DENND1A: variants seen among roughly 807,000 people sequenced by gnomAD.
DENND1A encodes DENN domain containing 1A.
Under a neutral mutation model 113.7 loss-of-function variants are expected in DENND1A, and 51 were observed. The observed-to-expected ratio is 0.45, with a 90% CI of 0.36 to 0.57. The LOEUF is 0.57. Among genes scored for constraint, DENND1A ranks in the 20% least tolerant of loss-of-function variants. The probability of loss-of-function intolerance (pLI) is 0.00; values close to 1 mark genes in which losing one functional copy is unlikely to be tolerated. For synonymous variants in DENND1A, 565 were observed against 570.8 expected, an observed-to-expected ratio of 0.99 and a Z score of 0.14; for missense variants, 1,258 against 1,395.9, an observed-to-expected ratio of 0.90 and a Z score of 1.57.
chr9:123,804,728 C>A, intron 2 of DENND1A, among the ~76,000 whole-genome samples: 1 of 152,212 alleles, frequency 6.6e-6, no homozygotes, highest in Non-Finnish European at 1.5e-5. Flanking sequence ...CTCCTGCCAA[C>A]TAAATCTTCA....
intron 5 of DENND1A, among the ~76,000 whole-genome samples, chr9:123,717,123 G>A (rs1480403859): frequency 6.6e-6 from 1 of 152,104 alleles, no homozygotes; most frequent in Non-Finnish European, 1.5e-5. Flanking sequence ...TGAGAGACCC[G>A]GTGGCCAGGC....
intron 11 of DENND1A, among the ~76,000 whole-genome samples, chr9:123,587,399 G>A (rs1050974969): frequency 5.3e-5 from 8 of 152,144 alleles, no homozygotes; most frequent in African/African-American, 1.9e-4. Context: ...AGTAACAATT[G>A]CAACAAAAGC....
At chr9:123,388,766 G>C (rs1039526625) in intron 21 of DENND1A, among the ~76,000 whole-genome samples, 1 of 152,204 alleles carries the variant, frequency 6.6e-6, no homozygotes, top group Admixed American at 6.5e-5. Flanking sequence ...GAGGCCATGT[G>C]CTCAGCAGGG....
At chr9:123,401,814 TGTGATGAAGAG>T in intron 21 of DENND1A, 1 of 1,614,158 alleles carries the variant, frequency 6.2e-7, no homozygotes, top group East Asian at 2.2e-5. Context: ...CGTAAGTCAA[TGTGATGAAGAG>T]GTCCAGCCTC....
intron 8 of DENND1A, among the ~76,000 whole-genome samples, chr9:123,652,710 G>A (rs1335586826): frequency 6.6e-6 from 1 of 152,146 alleles, no homozygotes; most frequent in Non-Finnish European, 1.5e-5. Context: ...TGCTAAAACG[G>A]CTCAGCTGGA....
rs761174377 is a variant in DENND1A at position 123,671,368 on chromosome 9, T to C, written c.376A>G (p.Asn126Asp). 6.2e-7 allele frequency: 1 copy of C among 1,613,748 alleles called. No individual in the cohort carries two copies. Among genetic ancestry groups the C allele is most frequent in the South Asian group, 1.1e-5 (1 of 90,994 alleles). Residue 126 changes from asparagine to aspartate, a missense_variant, in exon 7 of 24, where the codon AAT becomes GAT. By Grantham distance (23) the Asn-to-Asp change is conservative. Coordinates refer to ENST00000394215, the MANE Select transcript of DENND1A (RefSeq NM_001352964.2). ...LADYTTKRQE[N>D]QWNELLETLH... ...GTTTCAAGAAGCTCATTCCACTGATTTTCCTGAAAGAAATAAAAGGCCTAA... is the reference window on the plus strand; with the variant it reads ...GTTTCAAGAAGCTCATTCCACTGATCTTCCTGAAAGAAATAAAAGGCCTAA...
At chr9:123,711,519 A>ATG (rs1210818088) in intron 5 of DENND1A, among the ~76,000 whole-genome samples, 28 of 112,606 alleles carry the variant, frequency 2.5e-4, no homozygotes, top group African/African-American at 9.5e-4. Flanking sequence ...ATATGTATAT[A>ATG]TATATATATA....
In DENND1A at chr9:123,882,129, A is replaced by G. The variant is rs984763426; in HGVS notation, c.18-3108T>C. 5.3e-5 allele frequency among the ~76,000 whole-genome samples: 8 copies of G among 151,910 alleles called. No individual in the cohort carries two copies. In the South Asian group the frequency reaches 6.2e-4, roughly 12 times the overall value. ...TCTCTGGGCTTTCATTACCATGCATACAAGCCCCAGTCACATCTCCAACCT... is the reference window on the plus strand; with the variant it reads ...TCTCTGGGCTTTCATTACCATGCATGCAAGCCCCAGTCACATCTCCAACCT... On this transcript the variant is annotated intron_variant, in intron 1 of 23. Coordinates refer to ENST00000394215, the MANE Select transcript of DENND1A (RefSeq NM_001352964.2).
chr9:123,407,582 T>C (rs188374631), intron 20 of DENND1A, among the ~76,000 whole-genome samples: 1 of 152,228 alleles, frequency 6.6e-6, no homozygotes, highest in East Asian at 1.9e-4. Flanking sequence ...ATCACACCCA[T>C]GTTTCGGGGG....
intron 13 of DENND1A, 92 bp from the exon 14 acceptor site, chr9:123,457,989 AT>A (rs1049932388): frequency 6.8e-5 from 59 of 871,398 alleles, no homozygotes; most frequent in African/African-American, 1.1e-4. Context: ...TCCATCTGCT[AT>A]TTTTTTTCTT....
At chr9:123,870,155 G>A (rs1237269888) in intron 2 of DENND1A, among the ~76,000 whole-genome samples, 1 of 151,944 alleles carries the variant, frequency 6.6e-6, no homozygotes, top group Non-Finnish European at 1.5e-5. Flanking sequence ...CCCTTGTATA[G>A]TTCATGAATA....
intron 5 of DENND1A, chr9:123,736,308 C>A (rs1316861780): frequency 1.3e-5 from 2 of 152,118 alleles, no homozygotes; most frequent in Non-Finnish European, 2.9e-5. Context: ...AGTCAGAGTC[C>A]AACAGGCTCC....
intron 18 of DENND1A, among the ~76,000 whole-genome samples, chr9:123,443,530 G>C (rs2047081345): frequency 6.6e-6 from 1 of 152,240 alleles, no homozygotes; most frequent in Admixed American, 6.5e-5. Context: ...AGATGCAAAA[G>C]GTTTCTTATA....
At chr9:123,396,398 A>G (rs559777003) in intron 21 of DENND1A, among the ~76,000 whole-genome samples, 15 of 152,354 alleles carry the variant, frequency 9.8e-5, no homozygotes, top group African/African-American at 2.6e-4. Flanking sequence ...GGGGCTGTGC[A>G]GGAGGGAAAG....
chr9:123,915,402 T>C (rs958403682), intron 1 of DENND1A, among the ~76,000 whole-genome samples: 1 of 152,150 alleles, frequency 6.6e-6, no homozygotes, highest in Admixed American at 6.6e-5. Flanking sequence ...TGGTCATGGA[T>C]CAAAATTTCA....
chr9:123,576,001 A>G (rs560997724), intron 12 of DENND1A, among the ~76,000 whole-genome samples: 1 of 152,246 alleles, frequency 6.6e-6, no homozygotes, highest in Admixed American at 6.5e-5. Flanking sequence ...CATCTTGCTA[A>G]CTTTTCTATT....
At position 123,381,468 on chromosome 9, in the gene DENND1A, C is replaced by T; in HGVS notation, c.3177G>A (p.Val1059=). The part of the protein sequence containing the change: ...SPALAPAPDS[V]EQLRKQWETF... ...TCTCCCACTGCTTCCTGAGCTGCTC[C>T]ACCGAGTCTGGGGCCGGGGCCAGGG... The change falls in exon 24 of 24, where the codon GTG becomes GTA. Residue 1059 remains valine, a synonymous_variant. Coordinates refer to ENST00000394215, the MANE Select transcript of DENND1A (RefSeq NM_001352964.2). The surrounding 1 kb of genome is among the most constrained non-coding windows in gnomAD (Gnocchi z 4.7). The T allele has an allele frequency of 6.2e-7, 1 of 1,613,478 alleles. No individual in the cohort carries two copies.
chr9:123,410,742 C>A (rs1403580343), intron 20 of DENND1A, among the ~76,000 whole-genome samples: 1 of 152,218 alleles, frequency 6.6e-6, no homozygotes, highest in Non-Finnish European at 1.5e-5. Context: ...TGGATTTGGA[C>A]ACGTGTGTTG....
intron 19 of DENND1A, among the ~76,000 whole-genome samples, chr9:123,434,584 G>A (rs1179476152): frequency 6.6e-6 from 1 of 152,180 alleles, no homozygotes; most frequent in Non-Finnish European, 1.5e-5. Flanking sequence ...TGGACTTTCT[G>A]GTGGGAAGGC....
Sources: gnomAD v4.1 joint callset for allele counts (sites outside exome capture counted in the v4.1 genomes callset) on GRCh38, gnomAD v4.1.1 for gene constraint, Gnocchi (gnomAD v3.1) non-coding constraint, MANE v1.5 for transcripts, NCBI Gene and HGNC (gene_info 2026-07-23, HGNC 2026-07-21) for gene names.